The following NFKBIE variants were observed in gnomAD, a reference collection of about 807,000 sequenced individuals.
NFKBIE encodes the protein NFKB inhibitor epsilon, also known as NF-kappa-B inhibitor epsilon.
A neutral mutation model predicts 31.6 loss-of-function variants in NFKBIE; 11 were observed. That is an observed-to-expected ratio of 0.35 (90% CI 0.22 to 0.58). The LOEUF is 0.58. Among genes scored for constraint, NFKBIE ranks in the 20% least tolerant of loss-of-function variants. NFKBIE has a pLI of 0.83. For synonymous variants in NFKBIE, 208 were observed against 210.1 expected (o/e 0.99, Z 0.09); for missense variants, 354 against 465.7 (o/e 0.76, Z 2.21).
chr6:44,261,505 T>G lies in NFKBIE; in HGVS notation c.691+121A>C. On this transcript the variant is annotated intron_variant, in intron 3 of 5. Coordinates refer to ENST00000619360, the MANE Select transcript of NFKBIE (RefSeq NM_004556.3). The surrounding 1 kb of genome is among the most constrained non-coding windows in gnomAD (Gnocchi z 4.3). ...AAGATGTACTGAATATCTATGTGCT[T>G]ACAGTGGGAGGGGCACCAATGGACA... 1.1e-6 allele frequency: 1 copy of G among 916,904 alleles called. No individual in the cohort carries two copies. Among genetic ancestry groups the G allele is most frequent in the East Asian group, 2.6e-5 (1 of 38,140 alleles). 56.8% of individuals were successfully genotyped at this position (916,904 alleles called of 1,614,324 possible).
In NFKBIE at chr6:44,265,518, T is replaced by C; in HGVS notation, c.-172A>G. ...GGCCGGCGCGCAGCGAGGACAAGGT[T>C]CGGAGCGCTGGCCAGGTCCACCCAG... On this transcript the variant is annotated 5_prime_UTR_variant, in exon 1 of 6. Transcript: ENST00000619360. The C allele has an allele frequency of 6.4e-7, 1 of 1,561,106 alleles. No homozygotes were observed. Among genetic ancestry groups the C allele is most frequent in the Non-Finnish European group, 8.7e-7 (1 of 1,155,126 alleles).
At position 44,263,264 on chromosome 6, in the gene NFKBIE, C is replaced by A. The variant is rs1355493061; in HGVS notation, c.366-602G>T. 6.6e-6 allele frequency among the ~76,000 whole-genome samples: 1 copy of A among 152,192 alleles called. No individual in the cohort carries two copies. Among genetic ancestry groups the A allele is most frequent in the Non-Finnish European group, 1.5e-5 (1 of 68,040 alleles). On this transcript the variant is annotated intron_variant, in intron 1 of 5. Coordinates refer to ENST00000619360, the MANE Select transcript of NFKBIE (RefSeq NM_004556.3). This position sits in a 1 kb window ranked among gnomAD's most constrained non-coding sequence, Gnocchi z 5.0. ...TCGGGCCTAACAGAGGCCCTCCATT[C>A]CTGTGTGCACCTCCAAGAGGAGGTC...
Position 44,265,064 on chromosome 6 carries a change from G to T in NFKBIE, c.283C>A (p.Pro95Thr). ...CCCACGTGGGGGAGTGGCAGGCGTG[G>T]GGCCGGGTCCTCAGCCTCGGGGCCC... is the stretch of plus-strand genomic sequence containing the variant. ...LGGPEAEDPA[P>T]RLPLPHVGAL... The change falls in exon 1 of 6, where the codon CCA becomes ACA. Residue 95 changes from proline (P) to threonine (T), a missense_variant. By Grantham distance (38) the Pro-to-Thr change is conservative. This residue lies in a region of NFKBIE where 171 missense variants were observed against 155.1 expected (regional missense o/e 1.10). Transcript: ENST00000619360. 1.3e-6 allele frequency: 2 copies of T among 1,571,210 alleles called. No individual in the cohort carries two copies. Among genetic ancestry groups the T allele is most frequent in the Non-Finnish European group, 1.7e-6 (2 of 1,157,698 alleles).
At position 44,261,064 on chromosome 6, in the gene NFKBIE, A is replaced by G. The variant is rs1391471061; in HGVS notation, c.692-525T>C. Among the ~76,000 whole-genome samples, 1 of 152,038 alleles carries G rather than the reference A, an allele frequency of 6.6e-6. No individual in the cohort carries two copies. The highest frequency in any genetic ancestry group is 1.9e-4 in the East Asian group (1 of 5,194). ...GCTTAGTAATAGAGATTTCGATTCA[A>G]ATTTACATTCTTCACCTTCCTCAGG... On this transcript the variant is annotated intron_variant, in intron 3 of 5. Transcript: ENST00000619360. This position sits in a 1 kb window ranked among gnomAD's most constrained non-coding sequence, Gnocchi z 4.3.
Position 44,258,209 on chromosome 6 carries a change from GCTGT to G in NFKBIE, c.*1006_*1009del, listed in dbSNP as rs901725689. 2.0e-5 allele frequency: 3 copies of G among 152,212 alleles called. No individual in the cohort carries two copies. Among genetic ancestry groups the G allele is most frequent in the Non-Finnish European group, 4.4e-5 (3 of 68,074 alleles). 9.4% of individuals were successfully genotyped at this position (152,212 alleles called of 1,614,324 possible). On this transcript the variant is annotated 3_prime_UTR_variant, in exon 6 of 6. Transcript: ENST00000619360. Reference sequence around the variant, plus strand: ...TATTTGGATGTTTATGCTTTTAACGGCTGTCTCTCTCACTGGATGAGACGCTCCA... The same window carrying G: ...TATTTGGATGTTTATGCTTTTAACGGCTCTCTCACTGGATGAGACGCTCCA...
rs749462730 is a variant in NFKBIE, at chr6:44,264,993, C to T, written c.354G>A (p.Glu118=). 2 of 1,573,026 alleles carry T rather than the reference C, an allele frequency of 1.3e-6. No homozygotes were observed. The highest frequency in any genetic ancestry group is 1.2e-5 in the South Asian group (1 of 85,766). Residue 118 remains glutamate (E), a synonymous_variant, in exon 1 of 6, where the codon GAG becomes GAA. Transcript: ENST00000619360. ...QQLEALTYIS[E]DGDTLVHLAV... ...GCCCCCATACTCACGTGTCTCCGTCCTCGGAGATGTAAGTGAGTGCTTCCA... is the reference window on the plus strand; with the variant it reads ...GCCCCCATACTCACGTGTCTCCGTCTTCGGAGATGTAAGTGAGTGCTTCCA...
Position 44,260,321 on chromosome 6 carries a change from G to A in NFKBIE, c.781-39C>T, listed in dbSNP as rs746528900. On this transcript the variant is annotated intron_variant, in intron 4 of 5. Transcript: ENST00000619360. The surrounding 1 kb of genome is among the most constrained non-coding windows in gnomAD (Gnocchi z 5.5). ...AGGATGTCAGCCAAGGCCCTCAGAG[G>A]CAGTGTGCTGGGCCTGGGCTCTGGA... 6.2e-7 allele frequency: 1 copy of A among 1,605,832 alleles called. No homozygotes were observed. Among genetic ancestry groups the A allele is most frequent in the African/African-American group, 1.3e-5 (1 of 74,786 alleles).
chr6:44,262,318 G>A (rs867952137), intron 2 of NFKBIE, among the ~76,000 whole-genome samples: 1 of 152,228 alleles, frequency 6.6e-6, no homozygotes, highest in Non-Finnish European at 1.5e-5. Flanking sequence ...CAGCTGGTAT[G>A]TGTCTCTATC....
Position 44,261,958 on chromosome 6 carries a change from T to C in NFKBIE, c.469-110A>G. 3 of 898,342 alleles carry C rather than the reference T, an allele frequency of 3.3e-6. No individual in the cohort carries two copies. The highest frequency in any genetic ancestry group is 3.2e-6 in the Non-Finnish European group (2 of 617,452). The allele number at this position is 898,342 out of a possible 1,614,324, so 55.6% of individuals were successfully genotyped here. A position where few individuals can be genotyped will look rare whatever the true frequency, so the allele number is the denominator to read the frequency against. ...GCCAGCATCTTCTTTGAAAGCAGCT[T>C]ATAAAGGCCATAACCTGTTCTTCCA... On this transcript the variant is annotated intron_variant, in intron 2 of 5. Transcript: ENST00000619360. The surrounding 1 kb of genome is among the most constrained non-coding windows in gnomAD (Gnocchi z 4.3).
In NFKBIE at chr6:44,260,626, C is replaced by A; in HGVS notation, c.692-87G>T. On this transcript the variant is annotated intron_variant, in intron 3 of 5. Transcript: ENST00000619360. This position sits in a 1 kb window ranked among gnomAD's most constrained non-coding sequence, Gnocchi z 5.5. ...CTGGGACCTCCCTACCACTCAGCCC[C>A]AAGGGACTCACAGCCCACTCAATGT... is the stretch of plus-strand genomic sequence containing the variant. The A allele has an allele frequency of 7.9e-7, 1 of 1,259,910 alleles. No homozygotes were observed. Among genetic ancestry groups the A allele is most frequent in the Non-Finnish European group, 1.2e-6 (1 of 863,454 alleles). 78.0% of individuals were successfully genotyped at this position (1,259,910 alleles called of 1,614,324 possible). A position where few individuals can be genotyped will look rare whatever the true frequency, so the allele number is the denominator to read the frequency against.
rs562751231 is a variant in NFKBIE, at chr6:44,263,520, G to A, written c.366-858C>T. 1.3e-5 allele frequency among the ~76,000 whole-genome samples: 2 copies of A among 152,224 alleles called. No individual in the cohort carries two copies. The highest frequency in any genetic ancestry group is 4.8e-5 in the African/African-American group (2 of 41,546). On this transcript the variant is annotated intron_variant, in intron 1 of 5. Transcript: ENST00000619360. This position sits in a 1 kb window ranked among gnomAD's most constrained non-coding sequence, Gnocchi z 5.0. Reference sequence around the variant, plus strand: ...TGGGGAGGGGGCTGCTTGGGCAGGAGGGTGGCAGGCTTTAGCAGCAGGCAG... The same window carrying A: ...TGGGGAGGGGGCTGCTTGGGCAGGAAGGTGGCAGGCTTTAGCAGCAGGCAG...
rs940806695 is a variant in NFKBIE, at chr6:44,263,010, C to T, written c.366-348G>A. Among the ~76,000 whole-genome samples the T allele has an allele frequency of 2.6e-5, 4 of 152,118 alleles. No individual in the cohort carries two copies. The highest frequency in any genetic ancestry group is 4.1e-4 in the South Asian group (2 of 4,826). On this transcript the variant is annotated intron_variant, in intron 1 of 5. Transcript: ENST00000619360. The surrounding 1 kb of genome is among the most constrained non-coding windows in gnomAD (Gnocchi z 5.0). The stretch of plus-strand genomic sequence containing the variant: ...AGCTCAAAGCCAAATTGAAAGCTGC[C>T]GAAGTAGTCCAGAGGGGGTTTCCAG...
At position 44,260,862 on chromosome 6, in the gene NFKBIE, C is replaced by G. The variant is rs1334160910; in HGVS notation, c.692-323G>C. ...ACACACACACACACACACATACAGACACACACACACACACACACACACACA... is the reference window on the plus strand; with the variant it reads ...ACACACACACACACACACATACAGAGACACACACACACACACACACACACA... On this transcript the variant is annotated intron_variant, in intron 3 of 5. Transcript: ENST00000619360. The surrounding 1 kb of genome is among the most constrained non-coding windows in gnomAD (Gnocchi z 5.5). 2.5e-3 allele frequency among the ~76,000 whole-genome samples: 39 copies of G among 15,698 alleles called. No individual in the cohort carries two copies. Among genetic ancestry groups the G allele is most frequent in the East Asian group, 7.9e-3 (4 of 506 alleles). 10.3% of individuals were successfully genotyped at this position (15,698 alleles called of 152,430 possible).
In NFKBIE at chr6:44,265,095, C is replaced by G; in HGVS notation, c.252G>C (p.Leu84Phe). ...GGTCCTCAGCCTCGGGGCCCCCCAG[C>G]AAGGACAGGGTGTAGGTGAGCGAGG... ...GSSSLTYTLS[L>F]LGGPEAEDPA... Residue 84 changes from leucine to phenylalanine, a missense_variant, in exon 1 of 6, where the codon TTG (leucine) becomes TTC (phenylalanine). Physicochemically the swap from Leu to Phe is conservative, Grantham distance 22 (BLOSUM62 0). Around this residue, in one of 2 missense-constraint regions of NFKBIE, gnomAD observed 171 missense variants for 155.1 expected, o/e 1.10. Transcript: ENST00000619360. The G allele has an allele frequency of 1.9e-6, 3 of 1,557,914 alleles. No homozygotes were observed. The highest frequency in any genetic ancestry group is 2.4e-5 in the South Asian group (2 of 84,666).
intron 2 of NFKBIE, among the ~76,000 whole-genome samples, 157 bp from the exon 3 acceptor site, chr6:44,262,005 C>T (rs1264567167): frequency 6.6e-6 from 1 of 152,160 alleles, no homozygotes; most frequent in East Asian, 1.9e-4. Flanking sequence ...CCGAGCCCTT[C>T]CCCTGTCACA....
At position 44,260,376 on chromosome 6, in the gene NFKBIE, G is replaced by C. The variant is rs1781852254; in HGVS notation, c.780+75C>G. On this transcript the variant is annotated intron_variant, in intron 4 of 5. Transcript: ENST00000619360. This position sits in a 1 kb window ranked among gnomAD's most constrained non-coding sequence, Gnocchi z 5.5. ...GAAGTGAATGCCACCACTTCTGACT[G>C]CTGGGCAGGGGACTTGGGGATGTGT... is the stretch of plus-strand genomic sequence containing the variant. 1.2e-6 allele frequency: 2 copies of C among 1,612,796 alleles called. No individual in the cohort carries two copies. The highest frequency in any genetic ancestry group is 1.3e-5 in the African/African-American group (1 of 74,922).
rs983541008 is a variant in NFKBIE, at chr6:44,261,161, C to T, written c.691+465G>A. Reference sequence around the variant, plus strand: ...CTATTTAACAATCATATCAACTCTCCTACTCCCCACATTCCTTCCTCTCAC... The same window carrying T: ...CTATTTAACAATCATATCAACTCTCTTACTCCCCACATTCCTTCCTCTCAC... On this transcript the variant is annotated intron_variant, in intron 3 of 5. Transcript: ENST00000619360. This position sits in a 1 kb window ranked among gnomAD's most constrained non-coding sequence, Gnocchi z 4.3. 6.6e-6 allele frequency among the ~76,000 whole-genome samples: 1 copy of T among 152,202 alleles called. No individual in the cohort carries two copies. Among genetic ancestry groups the T allele is most frequent in the African/African-American group, 2.4e-5 (1 of 41,452 alleles).
Position 44,265,338 on chromosome 6 carries a change from C to A in NFKBIE, c.9G>T (p.Glu3Asp). 6.4e-7 allele frequency: 1 copy of A among 1,555,610 alleles called. No homozygotes were observed. The highest frequency in any genetic ancestry group is 8.7e-7 in the Non-Finnish European group (1 of 1,155,690). Residue 3 changes from glutamate to aspartate, a missense_variant, in exon 1 of 6, where the codon GAG becomes GAT. By Grantham distance (45) the Glu-to-Asp change is conservative (BLOSUM62 2). Transcript: ENST00000619360. ...CCGCCTCGTCCGGCCCCTTCCGCGC[C>A]TCCGACATGCCCGCGGCTCTGGCCG... MS[E>D]ARKGPDEAEE...
rs547266317 is a variant in NFKBIE at position 44,259,168 on chromosome 6, G to A, written c.*51C>T. ...CCCAAACTGCAGCAGTTATGGCTCC[G>A]GCTTCCAGATGGAGAGGTGGAGCCC... On this transcript the variant is annotated 3_prime_UTR_variant, in exon 6 of 6. Transcript: ENST00000619360. 1.2e-4 allele frequency: 198 copies of A among 1,598,784 alleles called. No individual in the cohort carries two copies. The highest frequency in any genetic ancestry group is 1.5e-4 in the Non-Finnish European group (179 of 1,167,300).
Sources: gnomAD v4.1 joint callset for allele counts (sites outside exome capture counted in the v4.1 genomes callset) on GRCh38, gnomAD v4.1.1 for gene constraint, gnomAD v4.1.1 regional missense constraint, Gnocchi (gnomAD v3.1) non-coding constraint, MANE v1.5 for transcripts, NCBI Gene and HGNC (gene_info 2026-07-23, HGNC 2026-07-21) for gene names.